LRRC8D: variants seen among roughly 807,000 people sequenced by gnomAD.
The protein encoded by LRRC8D is leucine rich repeat containing 8 VRAC subunit D, also known as volume-regulated anion channel subunit LRRC8D.
A neutral mutation model predicts 55.8 loss-of-function variants in LRRC8D; 20 were observed. The observed-to-expected ratio is 0.36, with a 90% CI of 0.25 to 0.52. The LOEUF (loss-of-function observed/expected upper bound fraction) is 0.52, where lower values mean the gene tolerates loss of function less well. Among genes scored for constraint, LRRC8D ranks in the 20% least tolerant of loss-of-function variants. The pLI is 0.93. For synonymous variants in LRRC8D, 352 were observed against 377.0 expected (o/e 0.93, Z 0.77); for missense variants, 651 against 1,030.8 (o/e 0.63, Z 5.05).
At chr1:89,876,330 G>A (rs1433189837) in intron 2 of LRRC8D, among the ~76,000 whole-genome samples, 1 of 152,082 alleles carries the variant, frequency 6.6e-6, no homozygotes, top group Non-Finnish European at 1.5e-5. Context: ...AACCACCGTG[G>A]GGCTCATTTA....
At chr1:89,823,071 C>T (rs1476925644) in intron 1 of LRRC8D, among the ~76,000 whole-genome samples, 1 of 152,122 alleles carries the variant, frequency 6.6e-6, no homozygotes, top group Non-Finnish European at 1.5e-5. Context: ...CTTGAATTGG[C>T]ACAGTTTATT....
chr1:89,897,879 T>A (rs1051749322), intron 2 of LRRC8D, among the ~76,000 whole-genome samples: 2 of 151,880 alleles, frequency 1.3e-5, no homozygotes, highest in African/African-American at 4.8e-5. Context: ...CGAGGTGCAG[T>A]GGAGGTAGAG....
intron 2 of LRRC8D, among the ~76,000 whole-genome samples, chr1:89,877,131 G>A (rs1348678290): frequency 1.3e-5 from 2 of 152,216 alleles, no homozygotes; most frequent in Non-Finnish European, 2.9e-5. Context: ...ATATGACAAG[G>A]GTCTGCTTTA....
intron 1 of LRRC8D, among the ~76,000 whole-genome samples, chr1:89,821,743 T>A (rs1343669356): frequency 6.6e-6 from 1 of 151,750 alleles, no homozygotes; most frequent in Admixed American, 6.5e-5. Context: ...CCCTTTAACT[T>A]CTCCAGAATC....
At chr1:89,883,065 C>T (rs1371013197) in intron 2 of LRRC8D, among the ~76,000 whole-genome samples, 3 of 152,060 alleles carry the variant, frequency 2.0e-5, no homozygotes, top group East Asian at 3.9e-4. Flanking sequence ...ATGGTGATGC[C>T]TGCTTGTAGT....
At chr1:89,825,344 T>A (rs530951172) in intron 1 of LRRC8D, among the ~76,000 whole-genome samples, 1 of 152,356 alleles carries the variant, frequency 6.6e-6, no homozygotes, top group African/African-American at 2.4e-5. Context: ...TGTTTGCACC[T>A]GGGGTACCAT....
intron 2 of LRRC8D, among the ~76,000 whole-genome samples, chr1:89,878,039 A>T (rs1662191457): frequency 1.3e-5 from 2 of 152,224 alleles, no homozygotes; most frequent in Admixed American, 1.3e-4. Flanking sequence ...AGTGATAGAA[A>T]TTGAAAAATG....
At chr1:89,829,458 CATTTT>C (rs1660836561) in intron 1 of LRRC8D, among the ~76,000 whole-genome samples, 1 of 152,240 alleles carries the variant, frequency 6.6e-6, no homozygotes, top group Non-Finnish European at 1.5e-5. Context: ...AAACCAGACT[CATTTT>C]ATACCAGACT....
In LRRC8D at chr1:89,934,972, T is replaced by C; in HGVS notation, c.1904T>C (p.Met635Thr). 6.2e-7 allele frequency: 1 copy of C among 1,614,132 alleles called. No homozygotes were observed. Among genetic ancestry groups the C allele is most frequent in the Non-Finnish European group, 8.5e-7 (1 of 1,180,034 alleles). The change falls in exon 3 of 3, where the codon ATG (methionine) becomes ACG (threonine). Residue 635 changes from methionine to threonine, a missense_variant. By Grantham distance (81) the Met-to-Thr change is moderately conservative (BLOSUM62 -1). Coordinates refer to ENST00000337338, the MANE Select transcript of LRRC8D (RefSeq NM_001134479.2). The surrounding 1 kb of genome is among the most constrained non-coding windows in gnomAD (Gnocchi z 5.9). ...GTACTGAACAGCCTTAAGAAAATGA[T>C]GAATGTCGCTGAGCTGGAACTCCAG... ...LLVLNSLKKM[M>T]NVAELELQNC...
chr1:89,927,420 A>G (rs1157769683), intron 2 of LRRC8D, among the ~76,000 whole-genome samples: 1 of 152,250 alleles, frequency 6.6e-6, no homozygotes, highest in Admixed American at 6.5e-5. Flanking sequence ...TTTTGTAAAT[A>G]TACCACATCT....
intron 2 of LRRC8D, among the ~76,000 whole-genome samples, chr1:89,873,590 G>A (rs575135344): frequency 3.3e-5 from 5 of 152,190 alleles, no homozygotes; most frequent in African/African-American, 9.7e-5. Flanking sequence ...TAGAAGAGGG[G>A]TGTTATCATC....
intron 2 of LRRC8D, among the ~76,000 whole-genome samples, chr1:89,868,417 A>C (rs575159984): frequency 1.8e-4 from 28 of 152,306 alleles, no homozygotes; most frequent in Admixed American, 4.6e-4. Context: ...AAATTTCTTC[A>C]AAACTACATC....
At chr1:89,867,390 C>G (rs1290982888) in intron 2 of LRRC8D, among the ~76,000 whole-genome samples, 2 of 152,104 alleles carry the variant, frequency 1.3e-5, no homozygotes, top group Non-Finnish European at 2.9e-5. Context: ...TATAAATATG[C>G]CAGATTTTAA....
chr1:89,843,528 T>C (rs138274082), intron 1 of LRRC8D, 110 bp from the exon 2 acceptor site: 10 of 647,582 alleles, frequency 1.5e-5, no homozygotes, highest in South Asian at 3.3e-5. Context: ...ATGGCAGTTA[T>C]GCAAGCGGTG....
chr1:89,922,986 T>C (rs1413245849), intron 2 of LRRC8D, among the ~76,000 whole-genome samples: 1 of 152,110 alleles, frequency 6.6e-6, no homozygotes, highest in African/African-American at 2.4e-5. Context: ...CTGTTACTGA[T>C]TTTTTTTCAT....
Position 89,839,020 on chromosome 1 carries a change from T to C in LRRC8D, c.-147-4618T>C, listed in dbSNP as rs540281468. On this transcript the variant is annotated intron_variant, in intron 1 of 2. Coordinates refer to ENST00000337338, the MANE Select transcript of LRRC8D (RefSeq NM_001134479.2). The stretch of plus-strand genomic sequence containing the variant: ...TATCTTTTTAAAGTGGGATTTTTTT[T>C]CTGAGCAAAAGATATGTAGTGCAGA... Among the ~76,000 whole-genome samples, 85 of 152,310 alleles carry C rather than the reference T, an allele frequency of 5.6e-4. No homozygotes were observed. In the South Asian group the frequency reaches 8.7e-3, roughly 16 times the overall value.
chr1:89,827,418 T>C (rs1416535015), intron 1 of LRRC8D, among the ~76,000 whole-genome samples: 2 of 151,928 alleles, frequency 1.3e-5, no homozygotes, highest in Admixed American at 6.6e-5. Flanking sequence ...CTGTGTTTTT[T>C]CCCCCAAATT....
At chr1:89,873,647 T>C (rs1045967306) in intron 2 of LRRC8D, among the ~76,000 whole-genome samples, 6 of 152,224 alleles carry the variant, frequency 3.9e-5, no homozygotes, top group African/African-American at 1.4e-4. Flanking sequence ...ATCTTTGTCA[T>C]GTAGGATTGA....
intron 1 of LRRC8D, among the ~76,000 whole-genome samples, chr1:89,841,537 T>C (rs1661134639): frequency 6.6e-6 from 1 of 152,094 alleles, no homozygotes; most frequent in South Asian, 2.1e-4. Context: ...AATGAGAGAA[T>C]GTCAACTTGA....
Sources: gnomAD v4.1 joint callset for allele counts (sites outside exome capture counted in the v4.1 genomes callset) on GRCh38, gnomAD v4.1.1 for gene constraint, Gnocchi (gnomAD v3.1) non-coding constraint, MANE v1.5 for transcripts, NCBI Gene and HGNC (gene_info 2026-07-23, HGNC 2026-07-21) for gene names.